Variants in TRPM7 observed in about 807,000 individuals in gnomAD.
TRPM7 encodes the protein LTRPC ion channel family member 7.
TRPM7 carries 134 observed loss-of-function variants against 229.7 expected under a neutral mutation model. The observed-to-expected ratio is 0.58, with a 90% CI of 0.51 to 0.67. The LOEUF is 0.67. Ranked by LOEUF, TRPM7 falls within the 30% of genes least tolerant of loss-of-function variation. The pLI is 0.00. For missense variants in TRPM7, 1,901 were observed against 2,210.0 expected, an observed-to-expected ratio of 0.86 and a Z score of 2.80; for synonymous variants, 699 against 715.2, an observed-to-expected ratio of 0.98 and a Z score of 0.36.
Position 50,558,123 on chromosome 15 carries a change from A to T in TRPM7, c.*3555T>A, listed in dbSNP as rs2053194819. 6.6e-6 allele frequency: 1 copy of T among 152,252 alleles called. No homozygotes were observed. Among genetic ancestry groups the T allele is most frequent in the Non-Finnish European group, 1.5e-5 (1 of 68,038 alleles). 9.4% of individuals were successfully genotyped at this position (152,252 alleles called of 1,614,324 possible). The stretch of plus-strand genomic sequence containing the variant: ...GGGATAAGAAATGTGGTTTACAAGT[A>T]AACTGTTACTTTCTAGACTTAACCC... On this transcript the variant is annotated 3_prime_UTR_variant, in exon 39 of 39. Transcript: ENST00000646667.
At chr15:50,680,984 G>A (rs1054114355) in intron 1 of TRPM7, among the ~76,000 whole-genome samples, 1 of 152,132 alleles carries the variant, frequency 6.6e-6, no homozygotes, top group Non-Finnish European at 1.5e-5. Flanking sequence ...CGGGCGAGGT[G>A]GCTCATGCCT....
chr15:50,617,215 T>C (rs2060249400), intron 13 of TRPM7, among the ~76,000 whole-genome samples: 1 of 151,740 alleles, frequency 6.6e-6, no homozygotes, highest in Admixed American at 6.6e-5. Flanking sequence ...TGTGCGCCTG[T>C]AGTCCCAGCT....
chr15:50,675,100 T>C (rs1225213433), intron 1 of TRPM7, among the ~76,000 whole-genome samples: 1 of 152,176 alleles, frequency 6.6e-6, no homozygotes, highest in Non-Finnish European at 1.5e-5. Context: ...CCCAACACTT[T>C]GGGAAGCCGA....
At chr15:50,635,104 T>C (rs566051430) in intron 7 of TRPM7, among the ~76,000 whole-genome samples, 1 of 151,200 alleles carries the variant, frequency 6.6e-6, no homozygotes, top group South Asian at 2.1e-4. Context: ...GATCACAAGG[T>C]CAGGAGATCA....
At chr15:50,607,419 A>C (rs11636964) in intron 19 of TRPM7, 91 bp from the exon 20 acceptor site, 2 of 1,079,028 alleles carry the variant, frequency 1.9e-6, no homozygotes, top group Non-Finnish European at 2.6e-6. Flanking sequence ...AAAAACAGAC[A>C]TTAAATGAAC....
chr15:50,634,423 T>C lies in TRPM7; in HGVS notation c.966A>G (p.Ala322=). 1 of 1,587,484 alleles carries C rather than the reference T, an allele frequency of 6.3e-7. No homozygotes were observed. The highest frequency in any genetic ancestry group is 8.6e-7 in the Non-Finnish European group (1 of 1,169,022). ...GTTTATGAATATACGCTAGCAGATC[T>C]GCAGCTCTGCCTGTTCCTTCACACA... ...VVVCEGTGRA[A]DLLAYIHKQT... Residue 322 remains alanine, a synonymous_variant, in exon 8 of 39, where the codon GCA becomes GCG. Transcript: ENST00000646667.
At position 50,571,884 on chromosome 15, in the gene TRPM7, A is replaced by G. The variant is rs560666440; in HGVS notation, c.5309-1729T>C. Among the ~76,000 whole-genome samples, 158 of 152,390 alleles carry G rather than the reference A, an allele frequency of 1.0e-3. 2 individuals carry two copies. The highest frequency in any genetic ancestry group is 3.7e-3 in the African/African-American group (152 of 41,592). On this transcript the variant is annotated intron_variant, in intron 36 of 38. Transcript: ENST00000646667. ...TATACATAAACTTTGTTGATAAAGC[A>G]GCAGGGTTTGAGAAGGTTCACTCCA...
In TRPM7 at chr15:50,611,163, G is replaced by C. The variant is rs770052338; in HGVS notation, c.2210C>G (p.Thr737Ser). ...SSRLRPFVAH[T>S]CTQMLLSDMW... ...ATCAGATAACAACATTTGTGTACAGGTGTGAGCTACAAAAGGTCTAAGTCT... is the reference window on the plus strand; with the variant it reads ...ATCAGATAACAACATTTGTGTACAGCTGTGAGCTACAAAAGGTCTAAGTCT... The change falls in exon 17 of 39, where the codon ACC becomes AGC. Residue 737 changes from threonine (T) to serine (S), a missense_variant. Physicochemically the swap from Thr to Ser is moderately conservative, Grantham distance 58. Transcript: ENST00000646667. 1 of 1,613,882 alleles carries C rather than the reference G, an allele frequency of 6.2e-7. No individual in the cohort carries two copies. Among genetic ancestry groups the C allele is most frequent in the South Asian group, 1.1e-5 (1 of 91,080 alleles).
chr15:50,566,416 G>A (rs550436461), intron 38 of TRPM7, among the ~76,000 whole-genome samples: 2 of 152,138 alleles, frequency 1.3e-5, no homozygotes, highest in East Asian at 3.9e-4. Context: ...AAACATCTGA[G>A]GCCGGGCGCA....
At chr15:50,583,387 T>C (rs1408296510) in intron 28 of TRPM7, among the ~76,000 whole-genome samples, 1 of 151,476 alleles carries the variant, frequency 6.6e-6, no homozygotes, top group Non-Finnish European at 1.5e-5. Flanking sequence ...GAGTATGAAG[T>C]AAAAAAAAAT....
Position 50,614,246 on chromosome 15 carries a change from T to A in TRPM7, c.1512A>T (p.Gly504=). 6.3e-7 allele frequency: 1 copy of A among 1,599,608 alleles called. No individual in the cohort carries two copies. Among genetic ancestry groups the A allele is most frequent in the Non-Finnish European group, 8.5e-7 (1 of 1,175,972 alleles). ...RDVKQGNLPP[G]YKITLIDIGL... is the part of the protein sequence containing the mutation. ...CTATATCAATCAGAGTGATCTTATA[T>A]CCTGGAGGAAGATTTCCCTAGAAAC... Residue 504 remains glycine (G), a synonymous_variant, in exon 14 of 39, where the codon GGA becomes GGT. Coordinates refer to ENST00000646667, the MANE Select transcript of TRPM7 (RefSeq NM_017672.6).
At chr15:50,657,722 T>C (rs1326430156) in intron 3 of TRPM7, 59 bp downstream of exon 3, 3 of 1,444,122 alleles carry the variant, frequency 2.1e-6, no homozygotes, top group Non-Finnish European at 2.9e-6. Context: ...CTCATATTTC[T>C]AATAGATTAG....
intron 1 of TRPM7, among the ~76,000 whole-genome samples, chr15:50,675,619 G>A (rs995842678): frequency 6.6e-6 from 1 of 152,084 alleles, no homozygotes; most frequent in African/African-American, 2.4e-5. Context: ...TTTCTTCTCT[G>A]CCATCAGTTA....
At chr15:50,614,513 A>C (rs939962587) in intron 13 of TRPM7, among the ~76,000 whole-genome samples, 1 of 152,030 alleles carries the variant, frequency 6.6e-6, no homozygotes, top group Non-Finnish European at 1.5e-5. Flanking sequence ...AAATACAAAA[A>C]AATTAGCCAG....
chr15:50,604,998 T>C lies in TRPM7; in HGVS notation c.2856A>G (p.Ala952=), dbSNP rs1160327675. 1.2e-6 allele frequency: 2 copies of C among 1,613,978 alleles called. No homozygotes were observed. The highest frequency in any genetic ancestry group is 2.2e-5 in the South Asian group (2 of 91,072). ...RFGAKWNFAN[A]YDNHVFVAGR... is the part of the protein sequence containing the mutation. Reference sequence around the variant, plus strand: ...CAGCCACAAAAACATGATTATCATATGCATTTGCAAAGTTCCATTTTGCTC... The same window carrying C: ...CAGCCACAAAAACATGATTATCATACGCATTTGCAAAGTTCCATTTTGCTC... Residue 952 remains alanine, a synonymous_variant, in exon 21 of 39, where the codon GCA becomes GCG. Coordinates refer to ENST00000646667, the MANE Select transcript of TRPM7 (RefSeq NM_017672.6).
chr15:50,635,745 C>T (rs1222802343), intron 7 of TRPM7, among the ~76,000 whole-genome samples: 1 of 146,084 alleles, frequency 6.8e-6, no homozygotes, highest in African/African-American at 2.6e-5. Flanking sequence ...TTCAGGAGGC[C>T]GAGGCCGGCG....
chr15:50,644,818 A>G (rs2061213306), intron 4 of TRPM7, among the ~76,000 whole-genome samples: 1 of 151,288 alleles, frequency 6.6e-6, no homozygotes, highest in Non-Finnish European at 1.5e-5. Flanking sequence ...AAAAAAAAAA[A>G]AAAAGAAATG....
At chr15:50,623,748 G>A (rs1306095678) in intron 12 of TRPM7, among the ~76,000 whole-genome samples, 3 of 151,082 alleles carry the variant, frequency 2.0e-5, no homozygotes, top group Non-Finnish European at 4.4e-5. Flanking sequence ...AAAACAGTAT[G>A]TAAGCTAAAA....
chr15:50,656,499 C>CT lies in TRPM7; in HGVS notation c.122+1281dup, dbSNP rs75557468. On this transcript the variant is annotated intron_variant, in intron 3 of 38. Coordinates refer to ENST00000646667, the MANE Select transcript of TRPM7 (RefSeq NM_017672.6). Reference sequence around the variant, plus strand: ...TGCCAAGATTTTTGTGTGTGGTTTTCTTTTTTTTTTTTTTTTGGTAGACAC... The same window carrying CT: ...TGCCAAGATTTTTGTGTGTGGTTTTCTTTTTTTTTTTTTTTTTGGTAGACAC... Among the ~76,000 whole-genome samples, 490 of 133,492 alleles carry CT rather than the reference C, an allele frequency of 3.7e-3. 2 individuals carry two copies. The highest frequency in any genetic ancestry group is 4.8e-3 in the Non-Finnish European group (295 of 61,750). 87.6% of individuals were successfully genotyped at this position (133,492 alleles called of 152,430 possible).
Sources: gnomAD v4.1 joint callset for allele counts (sites outside exome capture counted in the v4.1 genomes callset) on GRCh38, gnomAD v4.1.1 for gene constraint, MANE v1.5 for transcripts, NCBI Gene and HGNC (gene_info 2026-07-23, HGNC 2026-07-21) for gene names.